COG7: variants seen among roughly 807,000 people sequenced by gnomAD.
COG7 encodes the protein conserved oligomeric Golgi complex subunit 7.
Under a neutral mutation model 91.5 loss-of-function variants are expected in COG7, and 49 were observed. The observed-to-expected ratio is 0.54, with a 90% confidence interval of 0.43 to 0.68. COG7 has a LOEUF of 0.68. COG7 is among the 30% of genes least tolerant of loss of function. COG7 has a pLI of 0.00. For synonymous variants in COG7, 365 were observed against 388.7 expected (o/e 0.94, Z 0.72); for missense variants, 895 against 961.3 (o/e 0.93, Z 0.91).
chr16:23,408,004 G>A (rs964131711), intron 11 of COG7, among the ~76,000 whole-genome samples: 2 of 148,146 alleles, frequency 1.4e-5, no homozygotes, highest in African/African-American at 2.5e-5. Flanking sequence ...GGCGAGGATT[G>A]AGTTTAATTA....
chr16:23,445,428 G>A (rs984365987), intron 2 of COG7, among the ~76,000 whole-genome samples: 1 of 152,152 alleles, frequency 6.6e-6, no homozygotes, highest in Non-Finnish European at 1.5e-5. Flanking sequence ...CAAGATGGGA[G>A]GATCACTTGA....
chr16:23,389,867 A>G (rs113368539), intron 16 of COG7: 13,886 of 152,190 alleles, frequency 0.091, 1,192 homozygotes, highest in African/African-American at 0.22. Flanking sequence ...CCACCAGGCA[A>G]GCTTGGGCAA....
chr16:23,399,739 G>A (rs1472102382), intron 13 of COG7, among the ~76,000 whole-genome samples: 1 of 152,116 alleles, frequency 6.6e-6, no homozygotes, highest in Non-Finnish European at 1.5e-5. Context: ...AGAAGGCACA[G>A]CTTTAAACAC....
At chr16:23,444,915 A>T (rs888661058) in intron 3 of COG7, 133 bp downstream of exon 3, 2 of 785,980 alleles carry the variant, frequency 2.5e-6, no homozygotes, top group Non-Finnish European at 4.6e-6. Flanking sequence ...GCAGCTTCAG[A>T]TCTTCCCCAC....
chr16:23,448,325 C>T (rs1413731170), intron 1 of COG7, among the ~76,000 whole-genome samples: 1 of 152,164 alleles, frequency 6.6e-6, no homozygotes, highest in Non-Finnish European at 1.5e-5. Flanking sequence ...AATAATAACA[C>T]TACTAATTAT....
At chr16:23,419,850 C>G (rs1298858526) in intron 7 of COG7, among the ~76,000 whole-genome samples, 1 of 150,698 alleles carries the variant, frequency 6.6e-6, no homozygotes, top group Non-Finnish European at 1.5e-5. Flanking sequence ...CAGAATACCC[C>G]CACTGGCAGG....
At chr16:23,452,796 G>C in intron 1 of COG7, 30 bp downstream of exon 1, 2 of 1,596,286 alleles carry the variant, frequency 1.3e-6, no homozygotes, top group Non-Finnish European at 1.7e-6. Context: ...GCAGGGGAGG[G>C]TCCCGCGGCC....
chr16:23,438,187 T>G (rs1964042709), intron 4 of COG7, among the ~76,000 whole-genome samples: 3 of 152,004 alleles, frequency 2.0e-5, no homozygotes. Context: ...GCAAGATATA[T>G]TCAATAAAAG....
chr16:23,421,034 GC>G (rs1332044761), intron 7 of COG7, among the ~76,000 whole-genome samples: 1 of 150,792 alleles, frequency 6.6e-6, no homozygotes, highest in Non-Finnish European at 1.5e-5. Context: ...ACAGGTGCGA[GC>G]CCCCATGCCT....
At chr16:23,451,637 T>A (rs1596963165) in intron 1 of COG7, among the ~76,000 whole-genome samples, 1 of 151,332 alleles carries the variant, frequency 6.6e-6, no homozygotes, top group East Asian at 1.9e-4. Flanking sequence ...AGCGGACTGC[T>A]TGAACCCAGA....
At chr16:23,430,478 G>T (rs1486278540) in intron 6 of COG7, among the ~76,000 whole-genome samples, 1 of 150,352 alleles carries the variant, frequency 6.7e-6, no homozygotes, top group African/African-American at 2.4e-5. Context: ...TAAAAAAAAT[G>T]TAAGTAAACA....
At chr16:23,399,377 A>G (rs1963338020) in intron 13 of COG7, among the ~76,000 whole-genome samples, 2 of 152,176 alleles carry the variant, frequency 1.3e-5, no homozygotes, top group Admixed American at 1.3e-4. Context: ...CTCCCAATCC[A>G]GCGAGAAGGA....
At chr16:23,396,461 T>C (rs1212633299) in intron 14 of COG7, among the ~76,000 whole-genome samples, 1 of 152,108 alleles carries the variant, frequency 6.6e-6, no homozygotes, top group African/African-American at 2.4e-5. Flanking sequence ...GGCAGATCAC[T>C]TCAGGTCAGG....
chr16:23,441,863 A>G (rs1181280706), intron 4 of COG7: 3 of 153,302 alleles, frequency 2.0e-5, no homozygotes, highest in Non-Finnish European at 4.4e-5. Flanking sequence ...GAATTCACAG[A>G]AGTAGCATTT....
chr16:23,392,187 C>T (rs767942761), intron 16 of COG7, 193 bp downstream of exon 16: 1 of 1,474,296 alleles, frequency 6.8e-7, no homozygotes, highest in Admixed American at 2.2e-5. Flanking sequence ...GTCTGAGCTT[C>T]AGCCCGGTCT....
intron 16 of COG7, among the ~76,000 whole-genome samples, chr16:23,389,440 C>T (rs1380019974): frequency 6.6e-6 from 1 of 152,020 alleles, no homozygotes; most frequent in Non-Finnish European, 1.5e-5. Context: ...CACACACTCA[C>T]ATGCACACAC....
intron 6 of COG7, among the ~76,000 whole-genome samples, chr16:23,430,787 T>C (rs55897003): frequency 1.3e-5 from 2 of 152,028 alleles, no homozygotes; most frequent in African/African-American, 4.8e-5. Context: ...GTGATGTTCC[T>C]GCCTCGGCCT....
At chr16:23,424,441 A>G (rs1190152041) in intron 7 of COG7, among the ~76,000 whole-genome samples, 1 of 152,104 alleles carries the variant, frequency 6.6e-6, no homozygotes. Context: ...ACTCTTTGCC[A>G]TAACATCTAC....
chr16:23,421,432 TATAA>T (rs1963754276), intron 7 of COG7, among the ~76,000 whole-genome samples: 1 of 149,952 alleles, frequency 6.7e-6, no homozygotes, highest in Admixed American at 6.7e-5. Context: ...TGTTGCTTTT[TATAA>T]TATATTTAAT....
Sources: allele counts gnomAD v4.1 joint callset (sites outside exome capture counted in the v4.1 genomes callset), GRCh38; gene constraint gnomAD v4.1.1; transcripts MANE v1.5; gene names NCBI Gene and HGNC (gene_info 2026-07-23, HGNC 2026-07-21).